The following FRMD3 variants were observed in gnomAD, a reference collection of about 807,000 sequenced individuals.
FRMD3 encodes FERM domain-containing protein 3.
FRMD3 carries 33 observed loss-of-function variants against 70.2 expected under a neutral mutation model. That is an observed-to-expected ratio of 0.47 (90% CI 0.36 to 0.63). The LOEUF is 0.63. Ranked by LOEUF, FRMD3 falls within the 20% of genes least tolerant of loss-of-function variation. FRMD3 has a pLI of 0.00. For missense variants in FRMD3, 632 were observed against 711.4 expected, an observed-to-expected ratio of 0.89 and a Z score of 1.27; for synonymous variants, 279 against 255.9, an observed-to-expected ratio of 1.09 and a Z score of -0.86.
chr9:83,463,592 A>T (rs1374899091), intron 1 of FRMD3, among the ~76,000 whole-genome samples: 1 of 152,196 alleles, frequency 6.6e-6, no homozygotes, highest in East Asian at 1.9e-4. Flanking sequence ...CCCACAACAC[A>T]TGGGGATTAT....
intron 5 of FRMD3, among the ~76,000 whole-genome samples, 156 bp from the exon 6 acceptor site, chr9:83,335,795 A>C (rs987255714): frequency 6.6e-6 from 1 of 152,202 alleles, no homozygotes; most frequent in Non-Finnish European, 1.5e-5. Flanking sequence ...GAGTGTCTAG[A>C]GGCTCATATT....
intron 3 of FRMD3, among the ~76,000 whole-genome samples, chr9:83,366,972 G>T (rs546634195): frequency 3.3e-5 from 5 of 152,246 alleles, no homozygotes; most frequent in Non-Finnish European, 4.4e-5. Context: ...GGCGGAGGTT[G>T]CAGTGAGCCA....
chr9:83,451,053 C>T (rs375467290), intron 1 of FRMD3, among the ~76,000 whole-genome samples: 22 of 152,274 alleles, frequency 1.4e-4, no homozygotes, highest in Non-Finnish European at 2.6e-4. Flanking sequence ...CCCTAAATCA[C>T]GAGCAATTTG....
At chr9:83,371,087 A>G (rs1329377845) in intron 3 of FRMD3, among the ~76,000 whole-genome samples, 2 of 152,218 alleles carry the variant, frequency 1.3e-5, no homozygotes, top group Non-Finnish European at 2.9e-5. Context: ...GGTATGGCTT[A>G]AGAACAAAAG....
intron 1 of FRMD3, among the ~76,000 whole-genome samples, chr9:83,434,038 G>A (rs1827058900): frequency 6.6e-6 from 1 of 152,190 alleles, no homozygotes; most frequent in African/African-American, 2.4e-5. Flanking sequence ...GCAGCAGAGG[G>A]CTTCCTGTCT....
At position 83,311,993 on chromosome 9, in the gene FRMD3, G is replaced by GA; in HGVS notation, c.685-19dup. 7.5e-7 allele frequency: 1 copy of GA among 1,330,060 alleles called. No individual in the cohort carries two copies. Among genetic ancestry groups the GA allele is most frequent in the Non-Finnish European group, 1.0e-6 (1 of 968,290 alleles). 82.4% of individuals were successfully genotyped at this position (1,330,060 alleles called of 1,614,324 possible). A position where few individuals can be genotyped will look rare whatever the true frequency, so the allele number is the denominator to read the frequency against. On this transcript the variant is annotated intron_variant, in intron 7 of 13. Transcript: ENST00000304195. The stretch of plus-strand genomic sequence containing the variant: ...GTTGAATCCTGAAAAAAAAAAAAAA[G>GA]AAAAAAGAAAAATCTGTTTAGATTG...
the FRMD3 span, among the ~76,000 whole-genome samples, chr9:83,546,696 A>T: frequency 6.6e-6 from 1 of 151,850 alleles, no homozygotes; most frequent in African/African-American, 2.4e-5. Flanking sequence ...TAAATGTTCC[A>T]CTCCTGGCCA....
chr9:83,391,254 T>C (rs966715427), intron 1 of FRMD3, among the ~76,000 whole-genome samples: 1 of 152,238 alleles, frequency 6.6e-6, no homozygotes, highest in Non-Finnish European at 1.5e-5. Flanking sequence ...TTTTTAAATG[T>C]CTGTAATTGT....
At chr9:83,403,006 C>T (rs754230287) in intron 1 of FRMD3, among the ~76,000 whole-genome samples, 19 of 146,188 alleles carry the variant, frequency 1.3e-4, no homozygotes, top group Non-Finnish European at 2.1e-4. Context: ...CGGGTTCAAG[C>T]GATTCTCCTG....
the FRMD3 span, among the ~76,000 whole-genome samples, chr9:83,553,428 G>GA: frequency 6.6e-6 from 1 of 152,086 alleles, no homozygotes; most frequent in Admixed American, 6.5e-5. Flanking sequence ...TTCAACCTTG[G>GA]AAAATCTGAA....
At chr9:83,381,341 G>A (rs1303094809) in intron 2 of FRMD3, among the ~76,000 whole-genome samples, 4 of 152,190 alleles carry the variant, frequency 2.6e-5, no homozygotes, top group Admixed American at 2.0e-4. Flanking sequence ...GATCACCTGA[G>A]GTCAGGAGAT....
the FRMD3 span, among the ~76,000 whole-genome samples, chr9:83,553,286 G>C: frequency 6.6e-6 from 1 of 152,208 alleles, no homozygotes; most frequent in Non-Finnish European, 1.5e-5. Flanking sequence ...CTTTAAGAAT[G>C]TTGAATATAG....
chr9:83,496,842 G>A (rs1231215975), intron 1 of FRMD3, among the ~76,000 whole-genome samples: 5 of 152,016 alleles, frequency 3.3e-5, no homozygotes, highest in Admixed American at 6.6e-5. Context: ...GACTGGGTGC[G>A]GTGGCTCACA....
At chr9:83,394,343 G>T (rs1024520295) in intron 1 of FRMD3, among the ~76,000 whole-genome samples, 4 of 152,100 alleles carry the variant, frequency 2.6e-5, no homozygotes, top group African/African-American at 9.7e-5. Context: ...TATTTCAAAA[G>T]AATTTGTGTG....
chr9:83,571,656 T>A, the FRMD3 span, among the ~76,000 whole-genome samples: 1 of 152,208 alleles, frequency 6.6e-6, no homozygotes, highest in Non-Finnish European at 1.5e-5. Flanking sequence ...CAGCTAAACA[T>A]AAGTCCACAC....
In FRMD3 at chr9:83,519,793, C is replaced by T. The variant is rs1055821212; in HGVS notation, c.147+18292G>A. On this transcript the variant is annotated intron_variant, in intron 1 of 13. Coordinates refer to ENST00000304195, the MANE Select transcript of FRMD3 (RefSeq NM_174938.6). Reference sequence around the variant, plus strand: ...ATAAAGAAAATGTGGCACTTATACACGATGGAATACTATGCAGCCATAAAA... The same window carrying T: ...ATAAAGAAAATGTGGCACTTATACATGATGGAATACTATGCAGCCATAAAA... Among the ~76,000 whole-genome samples, 8 of 152,264 alleles carry T rather than the reference C, an allele frequency of 5.3e-5. No homozygotes were observed. The South Asian group carries it at 6.2e-4, about 12-fold the overall frequency.
intron 13 of FRMD3, among the ~76,000 whole-genome samples, chr9:83,289,427 C>A (rs1303373571): frequency 1.3e-5 from 2 of 152,212 alleles, no homozygotes; most frequent in Non-Finnish European, 2.9e-5. Context: ...TTTTCCTCCA[C>A]CCATGGAATT....
intron 1 of FRMD3, among the ~76,000 whole-genome samples, chr9:83,434,745 C>T (rs185473716): frequency 1.4e-4 from 21 of 151,900 alleles, no homozygotes; most frequent in African/African-American, 4.8e-4. Context: ...AATGTATGGC[C>T]TCCCCTTTAA....
At position 83,522,815 on chromosome 9, in the gene FRMD3, G is replaced by A. The variant is rs545099679; in HGVS notation, c.147+15270C>T. ...CCTGACCTCTTAATCTGCCCGCCTC[G>A]GCCTCCCAAAGCGCTGGGATTACAG... On this transcript the variant is annotated intron_variant, in intron 1 of 13. Coordinates refer to ENST00000304195, the MANE Select transcript of FRMD3 (RefSeq NM_174938.6). 3.5e-3 allele frequency among the ~76,000 whole-genome samples: 532 copies of A among 151,926 alleles called. 3 individuals carry two copies. Among genetic ancestry groups the A allele is most frequent in the Non-Finnish European group, 4.6e-3 (312 of 67,940 alleles).
Sources: allele counts gnomAD v4.1 joint callset (sites outside exome capture counted in the v4.1 genomes callset), GRCh38; gene constraint gnomAD v4.1.1; transcripts MANE v1.5; gene names NCBI Gene and HGNC (gene_info 2026-07-23, HGNC 2026-07-21).